PRKDC: variants seen among roughly 807,000 people sequenced by gnomAD.
PRKDC encodes the protein protein kinase, DNA-activated, catalytic subunit.
PRKDC carries 82 observed loss-of-function variants against 486.9 expected under a neutral mutation model. The observed-to-expected ratio is 0.17, with a 90% CI of 0.14 to 0.20. The LOEUF is 0.20. PRKDC is among the 10% of genes least tolerant of loss of function. PRKDC has a pLI of 1.00. For missense variants in PRKDC, 4,504 were observed against 5,038.2 expected, an observed-to-expected ratio of 0.89 and a Z score of 3.21; for synonymous variants, 1,895 against 1,837.0, an observed-to-expected ratio of 1.03 and a Z score of -0.81.
At chr8:47,933,797 C>T (rs2090299129) in intron 15 of PRKDC, among the ~76,000 whole-genome samples, 168 bp downstream of exon 15, 2 of 152,230 alleles carry the variant, frequency 1.3e-5, no homozygotes, top group African/African-American at 4.8e-5. Flanking sequence ...TTTCCACTCT[C>T]ATTCTAACTT....
In PRKDC at chr8:47,807,122, G is replaced by A. The variant is rs368866781; in HGVS notation, c.9747+15C>T. On this transcript the variant is annotated intron_variant, in intron 69 of 85. Coordinates refer to ENST00000314191, the MANE Select transcript of PRKDC (RefSeq NM_006904.7). ...ATCCTGTGACACAGCAGGGAGGACA[G>A]ACACGAGTACCCACCTGCTTCCGGG... is the stretch of plus-strand genomic sequence containing the variant. 22 of 1,609,308 alleles carry A rather than the reference G, an allele frequency of 1.4e-5. No individual in the cohort carries two copies. The highest frequency in any genetic ancestry group is 1.9e-5 in the Non-Finnish European group (22 of 1,177,252).
chr8:47,949,007 T>C (rs907483365), intron 7 of PRKDC, among the ~76,000 whole-genome samples: 8 of 152,232 alleles, frequency 5.3e-5, no homozygotes, highest in Non-Finnish European at 1.5e-5. Context: ...GATTCTCATA[T>C]TGAGCTAAAT....
chr8:47,930,408 G>A (rs1246786973), intron 17 of PRKDC, among the ~76,000 whole-genome samples: 2 of 152,182 alleles, frequency 1.3e-5, no homozygotes, highest in East Asian at 3.9e-4. Flanking sequence ...GAGTAGCTGG[G>A]ACTACAGGCG....
Position 47,819,389 on chromosome 8 carries a change from T to C in PRKDC, c.9445+13A>G, listed in dbSNP as rs565801685. On this transcript the variant is annotated intron_variant, in intron 67 of 85. Coordinates refer to ENST00000314191, the MANE Select transcript of PRKDC (RefSeq NM_006904.7). ...ATTAGAAATGAAAAAAAAAGACCGATGAAAAAAATTACCTTGTTTGCTTAT... is the reference window on the plus strand; with the variant it reads ...ATTAGAAATGAAAAAAAAAGACCGACGAAAAAAATTACCTTGTTTGCTTAT... 3 of 1,453,976 alleles carry C rather than the reference T, an allele frequency of 2.1e-6. No individual in the cohort carries two copies. Among genetic ancestry groups the C allele is most frequent in the African/African-American group, 1.5e-5 (1 of 68,074 alleles). The allele number at this position is 1,453,976 out of a possible 1,614,324, so 90.1% of individuals were successfully genotyped here.
intron 73 of PRKDC, among the ~76,000 whole-genome samples, chr8:47,797,614 G>T (rs938976116): frequency 6.6e-6 from 1 of 152,152 alleles, no homozygotes; most frequent in African/African-American, 2.4e-5. Context: ...TGTCAACTAC[G>T]AAGCCTTTCA....
chr8:47,818,708 T>A (rs537106446), intron 67 of PRKDC, among the ~76,000 whole-genome samples: 1 of 152,142 alleles, frequency 6.6e-6, no homozygotes, highest in African/African-American at 2.4e-5. Flanking sequence ...AAAATAATTT[T>A]CCAAAATTAA....
intron 7 of PRKDC, among the ~76,000 whole-genome samples, chr8:47,950,070 G>A (rs2090602628): frequency 6.6e-6 from 1 of 151,920 alleles, no homozygotes. Flanking sequence ...TCAGGAGTTG[G>A]AGACCAGCCT....
chr8:47,924,288 G>A (rs775731421), intron 21 of PRKDC, among the ~76,000 whole-genome samples: 47 of 152,258 alleles, frequency 3.1e-4, no homozygotes, highest in Non-Finnish European at 5.7e-4. Flanking sequence ...TCTGGGCATG[G>A]TAGCTCATGC....
chr8:47,816,099 A>G (rs1056659483), intron 68 of PRKDC, among the ~76,000 whole-genome samples: 1 of 152,128 alleles, frequency 6.6e-6, no homozygotes, highest in African/African-American at 2.4e-5. Context: ...CTGTAATCCC[A>G]GCTACTTGGG....
Position 47,820,721 on chromosome 8 carries a change from G to T in PRKDC, c.9334C>A (p.Gln3112Lys). The T allele has an allele frequency of 6.6e-7, 1 of 1,513,858 alleles. No homozygotes were observed. The highest frequency in any genetic ancestry group is 2.5e-5 in the East Asian group (1 of 40,772). The allele number at this position is 1,513,858 out of a possible 1,614,324, so 93.8% of individuals were successfully genotyped here. A position where few individuals can be genotyped will look rare whatever the true frequency, so the allele number is the denominator to read the frequency against. ...ATATATATAATATATAGTATTACCT[G>T]CATAAAACTCTGAATGCCATTTTGA... ...YIQNGIQSFM[Q>K]NYSSIDVLLH... Residue 3112 changes from glutamine to lysine, a missense_variant and splice_region_variant, in exon 66 of 86, where the codon CAG becomes AAG. This residue lies in a region of PRKDC where 1,592 missense variants were observed against 1,724.6 expected (regional missense o/e 0.92). Transcript: ENST00000314191.
chr8:47,799,851 C>A (rs1217271068), intron 71 of PRKDC, among the ~76,000 whole-genome samples: 1 of 152,090 alleles, frequency 6.6e-6, no homozygotes, highest in East Asian at 1.9e-4. Context: ...AGAAGCTAAG[C>A]AAAGCAGGCA....
intron 21 of PRKDC, among the ~76,000 whole-genome samples, chr8:47,919,437 C>T (rs533413714): frequency 6.6e-6 from 1 of 152,316 alleles, no homozygotes; most frequent in East Asian, 1.9e-4. Flanking sequence ...AACTTTGACA[C>T]ATGTTCATTT....
At chr8:47,890,559 G>A in intron 31 of PRKDC, 79 bp from the exon 32 acceptor site, 1 of 1,110,142 alleles carries the variant, frequency 9.0e-7, no homozygotes, top group Admixed American at 2.4e-5. Context: ...GCTTCTGTAA[G>A]TATAGGCATG....
At position 47,902,687 on chromosome 8, in the gene PRKDC, TCTC is replaced by T. The variant is rs778725742; in HGVS notation, c.3148_3150del (p.Glu1050del). On this transcript the variant is annotated inframe_deletion, in exon 27 of 86. Transcript: ENST00000314191. ...AGCGATTTGGTGTTTACTGGACTCT[TCTC>T]CTGCTGCTGTGGTGTTATTTGCTTA... The T allele has an allele frequency of 3.7e-6, 6 of 1,613,836 alleles. No individual in the cohort carries two copies. The highest frequency in any genetic ancestry group is 4.2e-6 in the Non-Finnish European group (5 of 1,179,852).
chr8:47,839,895 G>T, intron 55 of PRKDC, 121 bp downstream of exon 55: 1 of 699,252 alleles, frequency 1.4e-6, no homozygotes, highest in Non-Finnish European at 2.2e-6. Flanking sequence ...GATCAACTGA[G>T]CCCAGGAGGA....
chr8:47,918,284 A>C lies in PRKDC; in HGVS notation c.2519T>G (p.Leu840Arg). 6.3e-7 allele frequency: 1 copy of C among 1,575,934 alleles called. No individual in the cohort carries two copies. Among genetic ancestry groups the C allele is most frequent in the Non-Finnish European group, 8.6e-7 (1 of 1,158,338 alleles). ...ATACAAAGGACTTCTTACTGATGAA[A>C]GGTTCTTTGTCTTCTTCAGATGCTT... ...VLKHLKKTKN[L>R]SSNEAISLEE... Residue 840 changes from leucine to arginine, a missense_variant, in exon 22 of 86, where the codon CTT becomes CGT. Leu to Arg is a moderately radical substitution (Grantham distance 102, BLOSUM62 -2). Around this residue, in one of 6 missense-constraint regions of PRKDC, gnomAD observed 1,969 missense variants for 2,068.9 expected, o/e 0.95. Coordinates refer to ENST00000314191, the MANE Select transcript of PRKDC (RefSeq NM_006904.7).
intron 7 of PRKDC, among the ~76,000 whole-genome samples, chr8:47,952,423 G>T (rs1343303171): frequency 6.6e-6 from 1 of 152,226 alleles, no homozygotes; most frequent in Non-Finnish European, 1.5e-5. Context: ...AACCACAGAT[G>T]GAGACAGATG....
chr8:47,929,635 C>T lies in PRKDC; in HGVS notation c.2052+218G>A, dbSNP rs532096113. Among the ~76,000 whole-genome samples the T allele has an allele frequency of 8.5e-5, 13 of 152,284 alleles. No homozygotes were observed. In the Middle Eastern group the frequency reaches 0.01, roughly 120 times the overall value. On this transcript the variant is annotated intron_variant, in intron 18 of 85. Transcript: ENST00000314191. ...ACTTTGAGAGGCCTTGTTAATCTTACATAATTAGCCAGGTGTTTGAGCATC... is the reference window on the plus strand; with the variant it reads ...ACTTTGAGAGGCCTTGTTAATCTTATATAATTAGCCAGGTGTTTGAGCATC...
At chr8:47,951,691 G>A (rs542447286) in intron 7 of PRKDC, among the ~76,000 whole-genome samples, 1 of 151,820 alleles carries the variant, frequency 6.6e-6, no homozygotes, top group African/African-American at 2.4e-5. Context: ...TCCAGCCTGG[G>A]TGACAGAGCA....
Sources: allele counts gnomAD v4.1 joint callset (sites outside exome capture counted in the v4.1 genomes callset), GRCh38; gene constraint gnomAD v4.1.1; regional missense constraint gnomAD v4.1.1; transcripts MANE v1.5; gene names NCBI Gene and HGNC (gene_info 2026-07-23, HGNC 2026-07-21).